The following IGFL2 variants were observed in gnomAD, a reference collection of about 807,000 sequenced individuals.
IGFL2 encodes insulin growth factor-like family member 2.
Under a neutral mutation model 13.9 loss-of-function variants are expected in IGFL2, and 7 were observed. The ratio of observed to expected loss-of-function variants is 0.51; its 90% CI spans 0.29 to 0.95. The LOEUF is 0.95. IGFL2 is among the 40% of genes least tolerant of loss of function. The pLI is 0.08. For synonymous variants in IGFL2, 55 were observed against 55.8 expected (o/e 0.99, Z 0.07); for missense variants, 138 against 147.8 (o/e 0.93, Z 0.34).
At chr19:46,177,966 T>A in the IGFL2 span, among the ~76,000 whole-genome samples, 1 of 152,106 alleles carries the variant, frequency 6.6e-6, no homozygotes, top group Non-Finnish European at 1.5e-5. Context: ...TAGGCACAAC[T>A]GGCCATCATT....
chr19:46,079,235 G>C, the IGFL2 span, among the ~76,000 whole-genome samples: 2 of 152,260 alleles, frequency 1.3e-5, no homozygotes, highest in Non-Finnish European at 2.9e-5. Context: ...GGGCGTTCTG[G>C]ACAATTGGGA....
the IGFL2 span, among the ~76,000 whole-genome samples, chr19:46,096,504 C>T: frequency 1.3e-5 from 2 of 152,032 alleles, no homozygotes; most frequent in African/African-American, 4.8e-5. Context: ...TATTTGAATA[C>T]TCTTTATTTC....
At chr19:46,154,396 T>C (rs1255172120) in intron 1 of IGFL2, among the ~76,000 whole-genome samples, 5 of 152,142 alleles carry the variant, frequency 3.3e-5, no homozygotes, top group African/African-American at 1.2e-4. Context: ...TAGTTATCTC[T>C]TTTTCTGATT....
At chr19:46,136,927 G>A in the IGFL2 span, 2 of 997,946 alleles carry the variant, frequency 2.0e-6, no homozygotes, top group Non-Finnish European at 3.2e-6. Flanking sequence ...GGGCACATGA[G>A]AGAGGTGTCT....
chr19:46,096,095 A>G, the IGFL2 span, among the ~76,000 whole-genome samples: 2 of 152,154 alleles, frequency 1.3e-5, no homozygotes, highest in African/African-American at 2.4e-5. Context: ...CATTGAATCT[A>G]TAAATTACTT....
the IGFL2 span, chr19:46,137,497 C>G: frequency 8.7e-7 from 1 of 1,147,298 alleles, no homozygotes; most frequent in Non-Finnish European, 1.3e-6. Flanking sequence ...TGCCCCTTCT[C>G]CTTCTCTTGC....
chr19:46,180,681 T>G, the IGFL2 span: 1 of 152,100 alleles, frequency 6.6e-6, no homozygotes, highest in African/African-American at 2.4e-5. Context: ...TCAGTCTGAG[T>G]CCCAAAACCT....
At chr19:46,139,820 T>C (rs1031093416), upstream of IGFL2, among the ~76,000 whole-genome samples, 1 of 152,074 alleles carries the variant, frequency 6.6e-6, no homozygotes, top group Non-Finnish European at 1.5e-5. Context: ...ACCAAACTTA[T>C]ATGTGTATAT....
At chr19:46,131,142 T>C in the IGFL2 span, among the ~76,000 whole-genome samples, 8 of 152,256 alleles carry the variant, frequency 5.3e-5, no homozygotes, top group Admixed American at 5.2e-4. Context: ...CTATTGAATC[T>C]GAAATTACTT....
the IGFL2 span, chr19:46,137,084 T>TTAGGAGACAA: frequency 2.5e-6 from 4 of 1,603,076 alleles, no homozygotes; most frequent in Admixed American, 6.7e-5. Context: ...GGAAGACGGC[T>TTAGGAGACAA]TAGGAGACAA....
the IGFL2 span, among the ~76,000 whole-genome samples, chr19:46,211,392 AT>A: frequency 2.6e-5 from 4 of 152,150 alleles, no homozygotes; most frequent in Non-Finnish European, 1.5e-5. Flanking sequence ...TTCCTTCTAC[AT>A]ACCTGACATA....
At chr19:46,139,384 A>G (rs16980321), upstream of IGFL2, among the ~76,000 whole-genome samples, 4,837 of 151,560 alleles carry the variant, frequency 0.032, 118 homozygotes, top group East Asian at 0.071. Flanking sequence ...ATTGAATTCT[A>G]AGATTTTAAG....
chr19:46,147,970 C>T (rs546162225), upstream of IGFL2: 223 of 346,930 alleles, frequency 6.4e-4, no homozygotes, highest in Non-Finnish European at 1.1e-3. Context: ...GTCTCTTTGC[C>T]GTGGGCAGAG....
chr19:46,174,751 C>A, the IGFL2 span, among the ~76,000 whole-genome samples: 3 of 152,202 alleles, frequency 2.0e-5, no homozygotes, highest in African/African-American at 7.2e-5. Flanking sequence ...CTCTTTGGAA[C>A]TGGCAGGTGA....
rs1403134408 is a variant in IGFL2, at chr19:46,160,474, T to C, written c.73+6T>C. 3.1e-6 allele frequency: 5 copies of C among 1,613,618 alleles called. No individual in the cohort carries two copies. Among genetic ancestry groups the C allele is most frequent in the Admixed American group, 1.7e-5 (1 of 60,010 alleles). ...GTGTCCAAGGGAAGTCATCGGTGAG[T>C]ACAAGGATGGGCAAGAGTGAAGAGG... On this transcript the variant is annotated splice_donor_region_variant and intron_variant, in intron 2 of 3. Transcript: ENST00000377693.
At chr19:46,078,827 A>C in the IGFL2 span, among the ~76,000 whole-genome samples, 2 of 151,588 alleles carry the variant, frequency 1.3e-5, no homozygotes, top group African/African-American at 2.4e-5. Context: ...GTCAGTAGAC[A>C]TCGCGCAGGC....
the IGFL2 span, among the ~76,000 whole-genome samples, chr19:46,101,762 C>T: frequency 1.3e-5 from 2 of 152,182 alleles, no homozygotes; most frequent in Non-Finnish European, 2.9e-5. Context: ...TCCGGCCCAA[C>T]CGCTGTTGAG....
intron 1 of IGFL2, among the ~76,000 whole-genome samples, chr19:46,157,184 T>A (rs548303488): frequency 2.6e-5 from 4 of 152,194 alleles, no homozygotes; most frequent in Non-Finnish European, 4.4e-5. Flanking sequence ...CACCTGAGAA[T>A]CTAACAAATG....
intron 1 of IGFL2, among the ~76,000 whole-genome samples, chr19:46,150,544 TA>T (rs1973423650): frequency 6.6e-6 from 1 of 152,248 alleles, no homozygotes; most frequent in Non-Finnish European, 1.5e-5. Context: ...TATGATGATT[TA>T]ATGTATGTTT....
Sources: gnomAD v4.1 joint callset for allele counts (sites outside exome capture counted in the v4.1 genomes callset) on GRCh38, gnomAD v4.1.1 for gene constraint, MANE v1.5 for transcripts, NCBI Gene and HGNC (gene_info 2026-07-23, HGNC 2026-07-21) for gene names.